The following HSBP1 variants were observed in gnomAD, a reference collection of about 807,000 sequenced individuals.
The protein encoded by HSBP1 is heat shock factor binding protein 1, also known as heat shock factor-binding protein 1.
In HSBP1, 5 loss-of-function variants were observed where a neutral mutation model predicts 9.6. The observed-to-expected ratio is 0.52, with a 90% CI of 0.27 to 1.09. The LOEUF is 1.09. Ranked by LOEUF, HSBP1 falls within the 50% of genes least tolerant of loss-of-function variation. The probability of loss-of-function intolerance (pLI) is 0.11; values close to 1 mark genes in which losing one functional copy is unlikely to be tolerated. For missense variants in HSBP1, 121 were observed against 96.3 expected, an observed-to-expected ratio of 1.26 and a Z score of -1.07; for synonymous variants, 42 against 33.3, an observed-to-expected ratio of 1.26 and a Z score of -0.90.
At position 83,808,030 on chromosome 16, in the gene HSBP1, T is replaced by A; in HGVS notation, c.-47T>A. On this transcript the variant is annotated 5_prime_UTR_variant, in exon 1 of 4. Transcript: ENST00000433866. The stretch of plus-strand genomic sequence containing the variant: ...GGGCGACTGAGCGGACAAACGGAAG[T>A]GTAGGTTACGGTCTGAGACATCACC... The A allele has an allele frequency of 6.7e-7, 1 of 1,482,576 alleles. No homozygotes were observed. The allele number at this position is 1,482,576 out of a possible 1,614,324, so 91.8% of individuals were successfully genotyped here.
At chr16:83,810,157 A>G (rs575617384) in intron 3 of HSBP1, among the ~76,000 whole-genome samples, 5 of 151,798 alleles carry the variant, frequency 3.3e-5, no homozygotes, top group African/African-American at 9.7e-5. Context: ...ACCTTCTTAA[A>G]TGGCTTAAAT....
rs1253910793 is a variant in HSBP1, at chr16:83,815,827, C to G, written c.*4409C>G. Reference sequence around the variant, plus strand: ...CAATAATAATCTTCGCAATAATGATCTAATAATGGTCAAATTCTGTGTCTC... The same window carrying G: ...CAATAATAATCTTCGCAATAATGATGTAATAATGGTCAAATTCTGTGTCTC... On this transcript the variant is annotated 3_prime_UTR_variant, in exon 4 of 4. Transcript: ENST00000433866. 1 of 152,118 alleles carries G rather than the reference C, an allele frequency of 6.6e-6. No homozygotes were observed. Among genetic ancestry groups the G allele is most frequent in the African/African-American group, 2.4e-5 (1 of 41,416 alleles). 9.4% of individuals were successfully genotyped at this position (152,118 alleles called of 1,614,324 possible).
At chr16:83,808,630 T>C (rs1461469519) in intron 1 of HSBP1, 50 bp from the exon 2 acceptor site, 2 of 1,469,808 alleles carry the variant, frequency 1.4e-6, no homozygotes, top group South Asian at 1.2e-5. Context: ...TCCCAGGAAG[T>C]TGTCTCAGGA....
At position 83,815,582 on chromosome 16, in the gene HSBP1, G is replaced by A. The variant is rs1226052595; in HGVS notation, c.*4164G>A. ...TGAGGCTCTCACTAAGAGGTGGCTG[G>A]AAGCTCCTCAGACCGCTGCCTAGGG... On this transcript the variant is annotated 3_prime_UTR_variant, in exon 4 of 4. Transcript: ENST00000433866. 6.6e-6 allele frequency: 1 copy of A among 152,024 alleles called. No individual in the cohort carries two copies. Among genetic ancestry groups the A allele is most frequent in the Admixed American group, 6.6e-5 (1 of 15,262 alleles). The allele number at this position is 152,024 out of a possible 1,614,324, so 9.4% of individuals were successfully genotyped here.
In HSBP1 at chr16:83,817,731, T is replaced by A. The variant is rs1232528866; in HGVS notation, c.*6313T>A. ...GTTAATTTTGATGGGCTATGGATAA[T>A]CATCAGAAGAGCCATTTCTGGAAAT... On this transcript the variant is annotated 3_prime_UTR_variant, in exon 4 of 4. Transcript: ENST00000433866. 6.6e-6 allele frequency: 1 copy of A among 152,350 alleles called. No individual in the cohort carries two copies. The highest frequency in any genetic ancestry group is 1.9e-4 in the East Asian group (1 of 5,188). The allele number at this position is 152,350 out of a possible 1,614,324, so 9.4% of individuals were successfully genotyped here.
chr16:83,811,230 G>A (rs1904594077), intron 3 of HSBP1, among the ~76,000 whole-genome samples, 191 bp from the exon 4 acceptor site: 2 of 152,120 alleles, frequency 1.3e-5, no homozygotes. Context: ...GAAAAGAGTG[G>A]GAGTAGGAAA....
Position 83,818,597 on chromosome 16 carries a change from T to A in HSBP1, c.*7179T>A, listed in dbSNP as rs1283523976. 1 of 152,214 alleles carries A rather than the reference T, an allele frequency of 6.6e-6. No homozygotes were observed. The highest frequency in any genetic ancestry group is 2.4e-5 in the African/African-American group (1 of 41,448). 9.4% of individuals were successfully genotyped at this position (152,214 alleles called of 1,614,324 possible). Reference sequence around the variant, plus strand: ...AAGTCAATGGAGGTCGTAATTTGCTTTTATGCTGTATTAAACACCACTGAG... The same window carrying A: ...AAGTCAATGGAGGTCGTAATTTGCTATTATGCTGTATTAAACACCACTGAG... On this transcript the variant is annotated 3_prime_UTR_variant, in exon 4 of 4. Transcript: ENST00000433866.
chr16:83,808,758 A>T lies in HSBP1; in HGVS notation c.112+12A>T, dbSNP rs1474213696. On this transcript the variant is annotated intron_variant, in intron 2 of 3. Transcript: ENST00000433866. ...GATCATTGGGAGAAATATCCTTTTT[A>T]TCTGCAGTCGGCCTCCTGTGGGCCT... 3.1e-6 allele frequency: 5 copies of T among 1,602,454 alleles called. No homozygotes were observed. In the Admixed American group the frequency reaches 8.4e-5, roughly 27 times the overall value.
rs1904510339 is a variant in HSBP1, at chr16:83,808,325, G to T, written c.45+204G>T. On this transcript the variant is annotated intron_variant, in intron 1 of 3. Transcript: ENST00000433866. Reference sequence around the variant, plus strand: ...CCAGTCTCCCCGCGGGCGCCCCCAAGCCCGACCCCTTCCAGTAGCCCCATT... The same window carrying T: ...CCAGTCTCCCCGCGGGCGCCCCCAATCCCGACCCCTTCCAGTAGCCCCATT... The T allele has an allele frequency of 1.6e-5, 9 of 561,644 alleles. No homozygotes were observed. In the South Asian group the frequency reaches 2.0e-4, roughly 13 times the overall value. 34.8% of individuals were successfully genotyped at this position (561,644 alleles called of 1,614,324 possible). A position where few individuals can be genotyped will look rare whatever the true frequency, so the allele number is the denominator to read the frequency against.
chr16:83,810,364 T>C (rs1266586104), intron 3 of HSBP1, among the ~76,000 whole-genome samples: 1 of 152,028 alleles, frequency 6.6e-6, no homozygotes, highest in Non-Finnish European at 1.5e-5. Flanking sequence ...CCTTTTCCTC[T>C]GTATGTGTGA....
chr16:83,813,533 G>T lies in HSBP1; in HGVS notation c.*2115G>T. On this transcript the variant is annotated 3_prime_UTR_variant, in exon 4 of 4. Transcript: ENST00000433866. ...ACCTGGGTCTTGCTGTGTTGCCCAG[G>T]CTGGTCTAGAACTCCTAGGCTCAAG... The T allele has an allele frequency of 6.6e-6, 1 of 152,594 alleles. No homozygotes were observed. The highest frequency in any genetic ancestry group is 2.1e-4 in the South Asian group (1 of 4,838). 9.5% of individuals were successfully genotyped at this position (152,594 alleles called of 1,614,324 possible). A position where few individuals can be genotyped will look rare whatever the true frequency, so the allele number is the denominator to read the frequency against.
Position 83,808,737 on chromosome 16 carries a change from A to T in HSBP1, c.103A>T (p.Ile35Phe), listed in dbSNP as rs867453018. The change falls in exon 2 of 4, where the codon ATT (isoleucine) becomes TTT (phenylalanine). Residue 35 changes from isoleucine to phenylalanine, a missense_variant. Ile to Phe is a conservative substitution (Grantham distance 21). Coordinates refer to ENST00000433866, the MANE Select transcript of HSBP1 (RefSeq NM_001537.4). ...DKFQTMSDQIIGRIDDMSSRI... is the reference protein window; with the variant it reads ...DKFQTMSDQIFGRIDDMSSRI... ...ATTTCAGACCATGTCTGACCAGATC[A>T]TTGGGAGAAATATCCTTTTTATCTG... The T allele has an allele frequency of 6.2e-7, 1 of 1,610,102 alleles. No individual in the cohort carries two copies. Among genetic ancestry groups the T allele is most frequent in the Non-Finnish European group, 8.5e-7 (1 of 1,176,986 alleles).
Position 83,813,613 on chromosome 16 carries a change from C to G in HSBP1, c.*2195C>G, listed in dbSNP as rs555605960. The G allele has an allele frequency of 2.0e-5, 3 of 152,524 alleles. No homozygotes were observed. The East Asian group carries it at 5.8e-4, about 29-fold the overall frequency. The allele number at this position is 152,524 out of a possible 1,614,324, so 9.4% of individuals were successfully genotyped here. Reference sequence around the variant, plus strand: ...GGATTACAGGCTGGAGCCACCATGCCTGTCCAAGGGTCTTTTTTATACTAT... The same window carrying G: ...GGATTACAGGCTGGAGCCACCATGCGTGTCCAAGGGTCTTTTTTATACTAT... On this transcript the variant is annotated 3_prime_UTR_variant, in exon 4 of 4. Transcript: ENST00000433866.
At position 83,819,318 on chromosome 16, in the gene HSBP1, C is replaced by G. The variant is rs1328212619; in HGVS notation, c.*7900C>G. On this transcript the variant is annotated 3_prime_UTR_variant, in exon 4 of 4. Transcript: ENST00000433866. ...GTCTTATTTCCCATACACAAAAACA[C>G]TGCGTAGAGAAATGGGAGTGTGGGC... 2.6e-5 allele frequency: 4 copies of G among 152,118 alleles called. No individual in the cohort carries two copies. The highest frequency in any genetic ancestry group is 9.7e-5 in the African/African-American group (4 of 41,414). 9.4% of individuals were successfully genotyped at this position (152,118 alleles called of 1,614,324 possible). A position where few individuals can be genotyped will look rare whatever the true frequency, so the allele number is the denominator to read the frequency against.
chr16:83,808,373 G>A, intron 1 of HSBP1: 4 of 551,492 alleles, frequency 7.3e-6, no homozygotes, highest in South Asian at 2.3e-5. Context: ...ACGCCCTCCG[G>A]GTCCCTCCCG....
chr16:83,810,330 T>C (rs1904571560), intron 3 of HSBP1, among the ~76,000 whole-genome samples: 1 of 152,084 alleles, frequency 6.6e-6, no homozygotes, highest in Non-Finnish European at 1.5e-5. Context: ...ATGTACAGAA[T>C]CACTCAGCAG....
Position 83,819,599 on chromosome 16 carries a change from C to A in HSBP1, c.*8181C>A, listed in dbSNP as rs1904795875. 2 of 152,082 alleles carry A rather than the reference C, an allele frequency of 1.3e-5. No individual in the cohort carries two copies. Among genetic ancestry groups the A allele is most frequent in the South Asian group, 4.1e-4 (2 of 4,826 alleles). 9.4% of individuals were successfully genotyped at this position (152,082 alleles called of 1,614,324 possible). A position where few individuals can be genotyped will look rare whatever the true frequency, so the allele number is the denominator to read the frequency against. On this transcript the variant is annotated 3_prime_UTR_variant, in exon 4 of 4. Coordinates refer to ENST00000433866, the MANE Select transcript of HSBP1 (RefSeq NM_001537.4). ...TAAAAAATCATTTCAACTCTTAAGCCACAAAAGGATATCCAATCATTTAAA... is the reference window on the plus strand; with the variant it reads ...TAAAAAATCATTTCAACTCTTAAGCAACAAAAGGATATCCAATCATTTAAA...
At position 83,811,614 on chromosome 16, in the gene HSBP1, T is replaced by G. The variant is rs927565771; in HGVS notation, c.*196T>G. 2 of 152,246 alleles carry G rather than the reference T, an allele frequency of 1.3e-5. No homozygotes were observed. The highest frequency in any genetic ancestry group is 2.9e-5 in the Non-Finnish European group (2 of 68,038). The allele number at this position is 152,246 out of a possible 1,614,324, so 9.4% of individuals were successfully genotyped here. A position where few individuals can be genotyped will look rare whatever the true frequency, so the allele number is the denominator to read the frequency against. ...ACATGGTATCTTCACATCTTGGACC[T>G]TGGTCAGTTGTGCTATTCATTATTA... On this transcript the variant is annotated 3_prime_UTR_variant, in exon 4 of 4. Transcript: ENST00000433866.
Position 83,819,298 on chromosome 16 carries a change from A to T in HSBP1, c.*7880A>T, listed in dbSNP as rs180693123. The T allele has an allele frequency of 2.0e-5, 3 of 152,064 alleles. No homozygotes were observed. In the East Asian group the frequency reaches 5.8e-4, roughly 29 times the overall value. 9.4% of individuals were successfully genotyped at this position (152,064 alleles called of 1,614,324 possible). On this transcript the variant is annotated 3_prime_UTR_variant, in exon 4 of 4. Coordinates refer to ENST00000433866, the MANE Select transcript of HSBP1 (RefSeq NM_001537.4). ...CCCTCATTTATTATTTTTGTGTCTT[A>T]TTTCCCATACACAAAAACACTGCGT...
Sources: gnomAD v4.1 joint callset for allele counts (sites outside exome capture counted in the v4.1 genomes callset) on GRCh38, gnomAD v4.1.1 for gene constraint, MANE v1.5 for transcripts, NCBI Gene and HGNC (gene_info 2026-07-23, HGNC 2026-07-21) for gene names.